Variants in TM4SF20 observed in about 807,000 individuals in gnomAD.
The protein encoded by TM4SF20 is transmembrane 4 L6 family member 20.
In TM4SF20, 13 loss-of-function variants were observed where a neutral mutation model predicts 15.1. The ratio of observed to expected loss-of-function variants is 0.86; its 90% CI spans 0.56 to 1.36. The LOEUF is 1.36. Among genes scored for constraint, TM4SF20 ranks in the 40% most tolerant of loss-of-function variants. The probability of loss-of-function intolerance (pLI) is 0.00; values close to 1 mark genes in which losing one functional copy is unlikely to be tolerated. For synonymous variants in TM4SF20, 92 were observed against 96.6 expected (o/e 0.95, Z 0.28); for missense variants, 282 against 268.4 (o/e 1.05, Z -0.35).
chr2:227,366,526 A>G (rs1206704883), intron 2 of TM4SF20, among the ~76,000 whole-genome samples: 1 of 151,790 alleles, frequency 6.6e-6, no homozygotes, highest in Admixed American at 6.6e-5. Flanking sequence ...TCAGGAGTTC[A>G]AGACCAGCCT....
At chr2:227,379,360 G>T (rs142547759), upstream of TM4SF20, 1 of 1,173,590 alleles carries the variant, frequency 8.5e-7, no homozygotes, top group Non-Finnish European at 1.2e-6. Context: ...AAAATTTAAC[G>T]CTAATAAAAA....
intron 2 of TM4SF20, among the ~76,000 whole-genome samples, chr2:227,368,331 TTATTTATATATA>T (rs1276398773): frequency 3.0e-5 from 2 of 67,332 alleles, no homozygotes; most frequent in Non-Finnish European, 6.1e-5. Flanking sequence ...CCGCCATCTA[TTATTTATATATA>T]TATATATATA....
At position 227,363,415 on chromosome 2, in the gene TM4SF20, CAA is replaced by C. The variant is rs5839210; in HGVS notation, c.*307_*308del. 0.02 allele frequency: 2,852 copies of C among 139,376 alleles called. No homozygotes were observed. The highest frequency in any genetic ancestry group is 0.048 in the South Asian group (342 of 7,122). 8.6% of individuals were successfully genotyped at this position (139,376 alleles called of 1,614,324 possible). A position where few individuals can be genotyped will look rare whatever the true frequency, so the allele number is the denominator to read the frequency against. ...TCCAGCCTTTTTTGAGACCCTGTCT[CAA>C]AAAAAAAAAAAAAAAGTCCTGTACT... On this transcript the variant is annotated 3_prime_UTR_variant, in exon 4 of 4. Transcript: ENST00000304568.
At chr2:227,371,027 A>G (rs750644745) in intron 1 of TM4SF20, 47 bp from the exon 2 acceptor site, 2 of 1,500,364 alleles carry the variant, frequency 1.3e-6, no homozygotes, top group Non-Finnish European at 1.9e-6. Context: ...ACTTCTCATC[A>G]GAAGAAAAAA....
chr2:227,363,420 A>G lies in TM4SF20; in HGVS notation c.*304T>C. On this transcript the variant is annotated 3_prime_UTR_variant, in exon 4 of 4. Transcript: ENST00000304568. ...CCTTTTTTGAGACCCTGTCTCAAAA[A>G]AAAAAAAAAAAAGTCCTGTACTTTT... 1 of 217,458 alleles carries G rather than the reference A, an allele frequency of 4.6e-6. No individual in the cohort carries two copies. The highest frequency in any genetic ancestry group is 9.2e-6 in the Non-Finnish European group (1 of 109,010). The allele number at this position is 217,458 out of a possible 1,614,324, so 13.5% of individuals were successfully genotyped here.
At chr2:227,373,628 A>G (rs928497807) in intron 1 of TM4SF20, among the ~76,000 whole-genome samples, 2 of 152,240 alleles carry the variant, frequency 1.3e-5, no homozygotes, top group Non-Finnish European at 1.5e-5. Context: ...CACCAAGAGT[A>G]GAGTTAAATT....
In TM4SF20 at chr2:227,366,207, A is replaced by G. The variant is rs758626295; in HGVS notation, c.287T>C (p.Ile96Thr). Residue 96 changes from isoleucine (I) to threonine (T), a missense_variant, in exon 3 of 4, where the codon ATT (isoleucine) becomes ACT (threonine). Coordinates refer to ENST00000304568, the MANE Select transcript of TM4SF20 (RefSeq NM_024795.4). ...LSSLFSVITV[I>T]GALYCMLISI... Reference sequence around the variant, plus strand: ...TATCAGCATGCAATACAGAGCACCAATGACTGTGATCACACTGAAAAGTGA... The same window carrying G: ...TATCAGCATGCAATACAGAGCACCAGTGACTGTGATCACACTGAAAAGTGA... 9.3e-6 allele frequency: 15 copies of G among 1,613,716 alleles called. No individual in the cohort carries two copies. The highest frequency in any genetic ancestry group is 8.3e-5 in the Admixed American group (5 of 59,898).
chr2:227,364,218 A>T (rs945546992), intron 3 of TM4SF20, among the ~76,000 whole-genome samples: 4 of 152,202 alleles, frequency 2.6e-5, no homozygotes, highest in East Asian at 3.9e-4. Flanking sequence ...TCATTTAACA[A>T]GCATCTCTAT....
At chr2:227,368,109 C>T (rs1408715002) in intron 2 of TM4SF20, among the ~76,000 whole-genome samples, 6 of 147,740 alleles carry the variant, frequency 4.1e-5, no homozygotes, top group Non-Finnish European at 6.0e-5. Flanking sequence ...CTGCAAGCTC[C>T]GCCTCCCGGG....
intron 3 of TM4SF20, among the ~76,000 whole-genome samples, chr2:227,364,389 C>T (rs1048669211): frequency 1.3e-5 from 2 of 148,894 alleles, no homozygotes; most frequent in Admixed American, 6.6e-5. Context: ...CCCTACCCCC[C>T]GCCACCCCCA....
intron 2 of TM4SF20, 65 bp downstream of exon 2, chr2:227,370,850 G>A: frequency 7.3e-7 from 1 of 1,366,470 alleles, no homozygotes. Context: ...ACTCAGTGTG[G>A]CTTTGCTTAG....
At position 227,373,215 on chromosome 2, in the gene TM4SF20, T is replaced by C. The variant is rs552180935; in HGVS notation, c.184-2235A>G. Among the ~76,000 whole-genome samples the C allele has an allele frequency of 1.7e-3, 252 of 152,344 alleles. 1 individual carries two copies. Among genetic ancestry groups the C allele is most frequent in the African/African-American group, 5.9e-3 (246 of 41,574 alleles). ...AGCACGGGTTTAAAGTTTATGCCTC[T>C]TTACAAGGCAGCTTTCCTAACAAAC... On this transcript the variant is annotated intron_variant, in intron 1 of 3. Coordinates refer to ENST00000304568, the MANE Select transcript of TM4SF20 (RefSeq NM_024795.4).
chr2:227,363,901 T>G lies in TM4SF20; in HGVS notation c.513A>C (p.Arg171Ser), dbSNP rs769729804. The G allele has an allele frequency of 6.2e-7, 1 of 1,613,986 alleles. No homozygotes were observed. Among genetic ancestry groups the G allele is most frequent in the African/African-American group, 1.3e-5 (1 of 74,894 alleles). The change falls in exon 4 of 4, where the codon AGA (arginine) becomes AGC (serine). Residue 171 changes from arginine to serine, a missense_variant. Arg to Ser is a moderately radical substitution (Grantham distance 110). Coordinates refer to ENST00000304568, the MANE Select transcript of TM4SF20 (RefSeq NM_024795.4). ...TSNDTMASGWRASSFHFDSEE... is the reference protein window; with the variant it reads ...TSNDTMASGWSASSFHFDSEE... ...CAGAATCGAAGTGGAAACTAGATGC[T>G]CTCCAGCCACTCGCCATGGTGTCGT... is the stretch of plus-strand genomic sequence containing the variant.
At chr2:227,375,349 C>T (rs2076442541) in intron 1 of TM4SF20, among the ~76,000 whole-genome samples, 1 of 152,142 alleles carries the variant, frequency 6.6e-6, no homozygotes, top group South Asian at 2.1e-4. Flanking sequence ...GTTGTGCTCA[C>T]AGCACTGCAT....
intron 1 of TM4SF20, among the ~76,000 whole-genome samples, chr2:227,377,676 A>T (rs2076457699): frequency 6.6e-6 from 1 of 152,222 alleles, no homozygotes; most frequent in Non-Finnish European, 1.5e-5. Context: ...CTTTGCAGGG[A>T]CATGGATGGA....
Position 227,379,284 on chromosome 2 carries a change from A to G in TM4SF20, c.-16T>C. ...AGCAGGTCATGGTCACCCCTGGCTC[A>G]GAAACGTTGTCAAAGTGGCTATGCT... On this transcript the variant is annotated 5_prime_UTR_variant, in exon 1 of 4. Transcript: ENST00000304568. The G allele has an allele frequency of 6.2e-7, 1 of 1,610,410 alleles. No homozygotes were observed. Among genetic ancestry groups the G allele is most frequent in the Non-Finnish European group, 8.5e-7 (1 of 1,177,650 alleles).
chr2:227,365,373 T>C (rs1225651929), intron 3 of TM4SF20, among the ~76,000 whole-genome samples: 1 of 152,200 alleles, frequency 6.6e-6, no homozygotes, highest in Non-Finnish European at 1.5e-5. Context: ...AGAGAGGTAA[T>C]GGATTAGATA....
At chr2:227,364,564 T>A (rs2076381621) in intron 3 of TM4SF20, among the ~76,000 whole-genome samples, 1 of 152,190 alleles carries the variant, frequency 6.6e-6, no homozygotes, top group Admixed American at 6.5e-5. Context: ...TATCTCAAGA[T>A]GATTTTTTGT....
chr2:227,362,704 C>T lies in TM4SF20; in HGVS notation c.*1020G>A, dbSNP rs2076367898. ...ATGAATTTTGTGGTTAGACTTGCATCCCATCCCCAAGATGTCTCATTATTA... is the reference window on the plus strand; with the variant it reads ...ATGAATTTTGTGGTTAGACTTGCATTCCATCCCCAAGATGTCTCATTATTA... On this transcript the variant is annotated 3_prime_UTR_variant, in exon 4 of 4. Transcript: ENST00000304568. The T allele has an allele frequency of 1.3e-5, 2 of 152,142 alleles. No homozygotes were observed. Among genetic ancestry groups the T allele is most frequent in the Admixed American group, 6.5e-5 (1 of 15,280 alleles). 9.4% of individuals were successfully genotyped at this position (152,142 alleles called of 1,614,324 possible). A position where few individuals can be genotyped will look rare whatever the true frequency, so the allele number is the denominator to read the frequency against.
Sources: allele counts gnomAD v4.1 joint callset (sites outside exome capture counted in the v4.1 genomes callset), GRCh38; gene constraint gnomAD v4.1.1; transcripts MANE v1.5; gene names NCBI Gene and HGNC (gene_info 2026-07-23, HGNC 2026-07-21).